CPOX: variants seen among roughly 807,000 people sequenced by gnomAD.
The protein encoded by CPOX is oxygen-dependent coproporphyrinogen-III oxidase, mitochondrial.
A neutral mutation model predicts 48.9 loss-of-function variants in CPOX; 24 were observed. The observed-to-expected ratio is 0.49, with a 90% CI of 0.36 to 0.69. The LOEUF (loss-of-function observed/expected upper bound fraction) is 0.69, where lower values mean the gene tolerates loss of function less well. CPOX is among the 30% of genes least tolerant of loss of function. The pLI, the probability that CPOX is intolerant of heterozygous loss-of-function variation, is 0.00. For synonymous variants in CPOX, 249 were observed against 234.6 expected, an observed-to-expected ratio of 1.06 and a Z score of -0.56; for missense variants, 549 against 597.3, an observed-to-expected ratio of 0.92 and a Z score of 0.84.
the CPOX span, among the ~76,000 whole-genome samples, chr3:98,572,615 C>A: frequency 6.6e-5 from 10 of 152,180 alleles, no homozygotes; most frequent in South Asian, 2.1e-3. Context: ...GTTTATATTT[C>A]TAGTCTACTG....
At chr3:98,588,626 G>T in intron 4 of CPOX, 87 bp downstream of exon 4, 1 of 1,383,470 alleles carries the variant, frequency 7.2e-7, no homozygotes, top group Non-Finnish European at 1.0e-6. Context: ...TTCATAAGCA[G>T]AAGAGGGTAT....
At chr3:98,578,256 G>T, downstream of CPOX, 4 of 975,082 alleles carry the variant, frequency 4.1e-6, no homozygotes, top group Non-Finnish European at 4.9e-6. Flanking sequence ...GTAGAAATAC[G>T]TGGTTATTGA....
intron 1 of CPOX, among the ~76,000 whole-genome samples, chr3:98,591,977 AT>A (rs1707486993): frequency 1.0e-5 from 1 of 95,780 alleles, no homozygotes; most frequent in Admixed American, 1.1e-4. Flanking sequence ...ATATATATAT[AT>A]ATATATGTAT....
At chr3:98,590,594 T>G (rs1217065259) in intron 3 of CPOX, 38 bp downstream of exon 3, 2 of 1,368,744 alleles carry the variant, frequency 1.5e-6, no homozygotes, top group Non-Finnish European at 2.1e-6. Context: ...ATGCACATTT[T>G]GCACGACAGT....
chr3:98,582,455 G>A (rs1559674438), intron 5 of CPOX, among the ~76,000 whole-genome samples: 3 of 151,320 alleles, frequency 2.0e-5, no homozygotes, highest in Admixed American at 2.0e-4. Context: ...CCCATCTATA[G>A]CAAAATATCC....
the CPOX span, among the ~76,000 whole-genome samples, chr3:98,571,641 T>TC: frequency 4.5e-5 from 6 of 133,972 alleles, no homozygotes; most frequent in Admixed American, 5.0e-4. Context: ...TGAGCCGAGA[T>TC]CCCGCCACTG....
Position 98,581,479 on chromosome 3 carries a change from C to A in CPOX, c.1205G>T (p.Gly402Val). Residue 402 changes from glycine to valine, a missense_variant, in exon 6 of 7, where the codon GGC becomes GTC. By Grantham distance (109) the Gly-to-Val change is moderately radical. Transcript: ENST00000647941. Reference protein sequence around the residue: ...YVEFNLLYDRGTKFGLFTPGS... With the variant: ...YVEFNLLYDRVTKFGLFTPGS... ...TGGAGTGAAGAGGCCAAACTTTGTG[C>A]CCCGATCATACAGCAGATTAAATTC... is the stretch of plus-strand genomic sequence containing the variant. 6.2e-7 allele frequency: 1 copy of A among 1,613,876 alleles called. No homozygotes were observed. The highest frequency in any genetic ancestry group is 8.5e-7 in the Non-Finnish European group (1 of 1,179,840).
intron 5 of CPOX, among the ~76,000 whole-genome samples, chr3:98,584,647 G>C (rs1707325041): frequency 6.6e-6 from 1 of 152,190 alleles, no homozygotes; most frequent in Non-Finnish European, 1.5e-5. Flanking sequence ...TGTTTCAGTA[G>C]TATACAGGCA....
intron 4 of CPOX, among the ~76,000 whole-genome samples, chr3:98,586,274 C>T (rs1009908743): frequency 1.3e-5 from 2 of 152,140 alleles, no homozygotes; most frequent in African/African-American, 2.4e-5. Flanking sequence ...AGTCCAATAT[C>T]GATAGTGTAT....
intron 5 of CPOX, among the ~76,000 whole-genome samples, chr3:98,585,128 T>A (rs1707336543): frequency 1.3e-5 from 2 of 152,122 alleles, no homozygotes; most frequent in South Asian, 4.1e-4. Flanking sequence ...AGCAAAGACA[T>A]TAAATGAAGT....
At chr3:98,575,794 G>A (rs1234066082), downstream of CPOX, among the ~76,000 whole-genome samples, 3 of 145,474 alleles carry the variant, frequency 2.1e-5, no homozygotes. Context: ...TTAGCCGGGT[G>A]TGCTGGCTCA....
chr3:98,578,033 T>C (rs369300256), downstream of CPOX, among the ~76,000 whole-genome samples: 4 of 152,254 alleles, frequency 2.6e-5, no homozygotes, highest in South Asian at 2.1e-4. Flanking sequence ...CTCCAGAGAA[T>C]TGACATTTCT....
rs140566686 is a variant in CPOX, at chr3:98,593,157, C to G, written c.348G>C (p.Pro116=). 3.3e-5 allele frequency: 54 copies of G among 1,612,006 alleles called. No homozygotes were observed. The highest frequency in any genetic ancestry group is 3.3e-4 in the Middle Eastern group (2 of 6,078). ...SGTRATSLGR[P]EEEEDELAHR... is the part of the protein sequence containing the mutation. ...GGGCCAGCTCATCCTCCTCCTCCTCCGGCCTCCCCAGCGAAGTGGCCCGCG... is the reference window on the plus strand; with the variant it reads ...GGGCCAGCTCATCCTCCTCCTCCTCGGGCCTCCCCAGCGAAGTGGCCCGCG... Residue 116 remains proline (P), a synonymous_variant, in exon 1 of 7, where the codon CCG becomes CCC. Transcript: ENST00000647941.
downstream of CPOX, among the ~76,000 whole-genome samples, chr3:98,577,936 G>A (rs986549183): frequency 3.9e-5 from 6 of 152,174 alleles, no homozygotes; most frequent in Non-Finnish European, 5.9e-5. Context: ...ACTCCTTAGC[G>A]TGCAGAAGCA....
intron 4 of CPOX, 31 bp downstream of exon 4, chr3:98,588,682 G>C (rs750882934): frequency 6.2e-7 from 1 of 1,612,420 alleles, no homozygotes; most frequent in African/African-American, 1.3e-5. Context: ...ATGTAATTTT[G>C]GGGTCATGAA....
chr3:98,584,388 A>C (rs1037949981), intron 5 of CPOX, among the ~76,000 whole-genome samples: 6 of 152,210 alleles, frequency 3.9e-5, no homozygotes, highest in Non-Finnish European at 5.9e-5. Flanking sequence ...GCAAACAAAA[A>C]ACATGTTCCA....
At chr3:98,579,385 T>A, downstream of CPOX, 8 of 547,418 alleles carry the variant, frequency 1.5e-5, no homozygotes, top group Non-Finnish European at 1.6e-5. Flanking sequence ...AAGGATCAAC[T>A]GTACTAAGAA....
Position 98,593,518 on chromosome 3 carries a change from C to T in CPOX, c.-14G>A, listed in dbSNP as rs1707533417. Reference sequence around the variant, plus strand: ...CTGCAAGGCCATGTTCCCGCACTATCACCTGGAGCAGTGCCTGCGTCCCAG... The same window carrying T: ...CTGCAAGGCCATGTTCCCGCACTATTACCTGGAGCAGTGCCTGCGTCCCAG... On this transcript the variant is annotated 5_prime_UTR_variant, in exon 1 of 7. Transcript: ENST00000647941. The T allele has an allele frequency of 6.6e-7, 1 of 1,520,224 alleles. No homozygotes were observed. The highest frequency in any genetic ancestry group is 1.4e-5 in the African/African-American group (1 of 71,974). 94.2% of individuals were successfully genotyped at this position (1,520,224 alleles called of 1,614,324 possible).
chr3:98,574,089 G>C, the CPOX span, among the ~76,000 whole-genome samples: 1 of 152,120 alleles, frequency 6.6e-6, no homozygotes, highest in East Asian at 1.9e-4. Flanking sequence ...TGTGTTTCTA[G>C]ACTGAGCTCT....
Sources: allele counts gnomAD v4.1 joint callset (sites outside exome capture counted in the v4.1 genomes callset), GRCh38; gene constraint gnomAD v4.1.1; transcripts MANE v1.5; gene names NCBI Gene and HGNC (gene_info 2026-07-23, HGNC 2026-07-21).